Variants in JPT1 observed in about 807,000 individuals in gnomAD.
JPT1 encodes the protein Jupiter microtubule associated homolog 1.
In JPT1, 5 loss-of-function variants were observed where a neutral mutation model predicts 17.0. That is an observed-to-expected ratio of 0.29 (90% CI 0.15 to 0.62). The LOEUF is 0.62. Among genes scored for constraint, JPT1 ranks in the 20% least tolerant of loss-of-function variants. The pLI is 0.85. For missense variants in JPT1, 158 were observed against 188.1 expected (o/e 0.84, Z 0.94); for synonymous variants, 71 against 73.6 (o/e 0.96, Z 0.18).
intron 2 of JPT1, 114 bp from the exon 3 acceptor site, chr17:75,147,767 G>A (rs563332417): frequency 7.9e-5 from 60 of 755,176 alleles, no homozygotes; most frequent in Non-Finnish European, 1.3e-4. Context: ...AGGAGGCCGA[G>A]GCGGGCAGAT....
Position 75,148,677 on chromosome 17 carries a change from A to G in JPT1, c.57-6T>C, listed in dbSNP as rs2074486888. The G allele has an allele frequency of 6.2e-7, 1 of 1,613,506 alleles. No homozygotes were observed. The highest frequency in any genetic ancestry group is 1.7e-5 in the Admixed American group (1 of 59,790). The stretch of plus-strand genomic sequence containing the variant: ...CACCTGGAGGCCGCAAAACTCTGCA[A>G]ATAATGGCAAAACATCAACTTCAGA... On this transcript the variant is annotated splice_polypyrimidine_tract_variant and splice_region_variant and intron_variant, in intron 1 of 4. Coordinates refer to ENST00000409753, the MANE Select transcript of JPT1 (RefSeq NM_016185.4).
chr17:75,148,524 A>T lies in JPT1; in HGVS notation c.199+5T>A, dbSNP rs376505998. The T allele has an allele frequency of 1.2e-6, 2 of 1,614,002 alleles. No homozygotes were observed. The highest frequency in any genetic ancestry group is 2.7e-5 in the African/African-American group (2 of 74,924). ...TTGAACAGTGAGCACAGATAACAAG[A>T]GTACCTGCTGACTTGGCCCAAGAAG... On this transcript the variant is annotated splice_donor_5th_base_variant and intron_variant, in intron 2 of 4. Coordinates refer to ENST00000409753, the MANE Select transcript of JPT1 (RefSeq NM_016185.4).
In JPT1 at chr17:75,148,629, A is replaced by T. The variant is rs2074486189; in HGVS notation, c.99T>A (p.Gly33=). 6.2e-7 allele frequency: 1 copy of T among 1,613,974 alleles called. No homozygotes were observed. Among genetic ancestry groups the T allele is most frequent in the African/African-American group, 1.3e-5 (1 of 74,886 alleles). Residue 33 remains glycine, a synonymous_variant, in exon 2 of 5, where the codon GGT becomes GGA. Transcript: ENST00000409753. ...PPGGGSNFSL[G]FDEPTEQPVR... is the part of the protein sequence containing the mutation. ...CAGGTTGTTCTGTTGGTTCATCAAAACCTAATGAAAAATTGGATCCACCAC... is the reference window on the plus strand; with the variant it reads ...CAGGTTGTTCTGTTGGTTCATCAAATCCTAATGAAAAATTGGATCCACCAC...
At chr17:75,142,508 G>A (rs528965364) in intron 4 of JPT1, among the ~76,000 whole-genome samples, 4 of 148,166 alleles carry the variant, frequency 2.7e-5, no homozygotes, top group East Asian at 2.0e-4. Flanking sequence ...GCAGTGAGCC[G>A]TGATCGTGCC....
chr17:75,147,004 T>C (rs528065403), intron 3 of JPT1, among the ~76,000 whole-genome samples: 1 of 152,324 alleles, frequency 6.6e-6, no homozygotes, highest in South Asian at 2.1e-4. Flanking sequence ...TTCATTTCTC[T>C]CTCCTTTCCC....
intron 2 of JPT1, chr17:75,148,001 TATCTC>T (rs1424111468): frequency 2.0e-5 from 5 of 244,498 alleles, no homozygotes; most frequent in South Asian, 1.6e-4. Context: ...ATGAGACTCT[TATCTC>T]AAAAACAAAA....
chr17:75,150,847 CTTTTTTTTTTTT>C (rs59267123), intron 1 of JPT1, among the ~76,000 whole-genome samples: 4 of 65,954 alleles, frequency 6.1e-5, no homozygotes, highest in Non-Finnish European at 9.9e-5. Context: ...ATTTTTCTTT[CTTTTTTTTTTTT>C]TTTTTTTTTT....
In JPT1 at chr17:75,154,438, C is replaced by G; in HGVS notation, c.-41G>C. ...GGTAGGCTGGCGCCGGAGCAGAACG[C>G]TCAAAGGGTCGGACCCGAGGGGCGC... On this transcript the variant is annotated 5_prime_UTR_variant, in exon 1 of 5. Coordinates refer to ENST00000409753, the MANE Select transcript of JPT1 (RefSeq NM_016185.4). 1 of 1,539,474 alleles carries G rather than the reference C, an allele frequency of 6.5e-7. No homozygotes were observed. Among genetic ancestry groups the G allele is most frequent in the Middle Eastern group, 1.7e-4 (1 of 5,832 alleles).
intron 1 of JPT1, 183 bp downstream of exon 1, chr17:75,154,159 C>T (rs2074597746): frequency 1.0e-5 from 3 of 297,980 alleles, no homozygotes; most frequent in African/African-American, 2.2e-5. Context: ...CCGGGTGGGG[C>T]CGGCGCGCAG....
At position 75,135,977 on chromosome 17, in the gene JPT1, ACAG is replaced by A; in HGVS notation, c.*122_*124del. The A allele has an allele frequency of 6.4e-7, 1 of 1,565,922 alleles. No individual in the cohort carries two copies. On this transcript the variant is annotated 3_prime_UTR_variant, in exon 5 of 5. Coordinates refer to ENST00000409753, the MANE Select transcript of JPT1 (RefSeq NM_016185.4). ...GTTCTTCAAAAGAAAAAAAAAAAAG[ACAG>A]CAGTACATAAAGTGCTTCTTTTTAA...
intron 4 of JPT1, among the ~76,000 whole-genome samples, chr17:75,137,488 C>T (rs905728879): frequency 6.6e-6 from 1 of 151,358 alleles, no homozygotes; most frequent in African/African-American, 2.4e-5. Context: ...TCCCAAATAG[C>T]TGGGACTACA....
At position 75,135,945 on chromosome 17, in the gene JPT1, G is replaced by T; in HGVS notation, c.*157C>A. On this transcript the variant is annotated 3_prime_UTR_variant, in exon 5 of 5. Coordinates refer to ENST00000409753, the MANE Select transcript of JPT1 (RefSeq NM_016185.4). ...CAGACCCAAGAGTCAAGGACAGAGAGAAACCTGTTCTTCAAAAGAAAAAAA... is the reference window on the plus strand; with the variant it reads ...CAGACCCAAGAGTCAAGGACAGAGATAAACCTGTTCTTCAAAAGAAAAAAA... 1 of 1,518,074 alleles carries T rather than the reference G, an allele frequency of 6.6e-7. No homozygotes were observed. The highest frequency in any genetic ancestry group is 8.9e-7 in the Non-Finnish European group (1 of 1,121,216). 94.0% of individuals were successfully genotyped at this position (1,518,074 alleles called of 1,614,324 possible).
rs3744234 is a variant in JPT1, at chr17:75,146,874, T to C, written c.298-190A>G. On this transcript the variant is annotated intron_variant, in intron 3 of 4. Transcript: ENST00000409753. The stretch of plus-strand genomic sequence containing the variant: ...AATGCTATGCAAAAATTCTGCATGA[T>C]AAATTGCTCTAGTGCTAGTACCACG... The C allele has an allele frequency of 5.5e-4, 299 of 545,734 alleles. 1 individual carries two copies. In the East Asian group the frequency reaches 9.3e-3, roughly 17 times the overall value. 33.8% of individuals were successfully genotyped at this position (545,734 alleles called of 1,614,324 possible). A position where few individuals can be genotyped will look rare whatever the true frequency, so the allele number is the denominator to read the frequency against.
chr17:75,152,496 A>G (rs1232807741), intron 1 of JPT1, among the ~76,000 whole-genome samples: 1 of 152,218 alleles, frequency 6.6e-6, no homozygotes, highest in African/African-American at 2.4e-5. Flanking sequence ...ATGCTACTAC[A>G]GTCCCTAGAG....
chr17:75,154,144 G>A (rs566856889), intron 1 of JPT1, 198 bp downstream of exon 1: 4 of 278,822 alleles, frequency 1.4e-5, no homozygotes, highest in Non-Finnish European at 2.6e-5. Context: ...GAGAGCAGCA[G>A]GGACCCGGGT....
At position 75,154,432 on chromosome 17, in the gene JPT1, A is replaced by G; in HGVS notation, c.-35T>C. 6.5e-7 allele frequency: 1 copy of G among 1,544,364 alleles called. No homozygotes were observed. The highest frequency in any genetic ancestry group is 8.7e-7 in the Non-Finnish European group (1 of 1,143,966). On this transcript the variant is annotated 5_prime_UTR_variant, in exon 1 of 5. Coordinates refer to ENST00000409753, the MANE Select transcript of JPT1 (RefSeq NM_016185.4). Reference sequence around the variant, plus strand: ...GAGCGAGGTAGGCTGGCGCCGGAGCAGAACGCTCAAAGGGTCGGACCCGAG... The same window carrying G: ...GAGCGAGGTAGGCTGGCGCCGGAGCGGAACGCTCAAAGGGTCGGACCCGAG...
Position 75,154,490 on chromosome 17 carries a change from C to T in JPT1, c.-93G>A. 4.0e-6 allele frequency: 5 copies of T among 1,237,550 alleles called. No homozygotes were observed. Among genetic ancestry groups the T allele is most frequent in the Admixed American group, 4.4e-5 (2 of 45,576 alleles). 76.7% of individuals were successfully genotyped at this position (1,237,550 alleles called of 1,614,324 possible). On this transcript the variant is annotated 5_prime_UTR_variant, in exon 1 of 5. Coordinates refer to ENST00000409753, the MANE Select transcript of JPT1 (RefSeq NM_016185.4). ...GGGAAACTCCACACCCAACAGCCGA[C>T]CACCGCTGCAGGAGCCGCCGCTGCC... is the stretch of plus-strand genomic sequence containing the variant.
chr17:75,135,887 T>C lies in JPT1; in HGVS notation c.*215A>G, dbSNP rs2074183441. On this transcript the variant is annotated 3_prime_UTR_variant, in exon 5 of 5. Coordinates refer to ENST00000409753, the MANE Select transcript of JPT1 (RefSeq NM_016185.4). ...AAGTGTCACAAAGCTTTCCCTCCAATCTACTACTAGAAAACACTCATGCCA... is the reference window on the plus strand; with the variant it reads ...AAGTGTCACAAAGCTTTCCCTCCAACCTACTACTAGAAAACACTCATGCCA... 4.2e-6 allele frequency: 4 copies of C among 957,782 alleles called. No individual in the cohort carries two copies. The highest frequency in any genetic ancestry group is 6.2e-6 in the Non-Finnish European group (4 of 645,466). 59.3% of individuals were successfully genotyped at this position (957,782 alleles called of 1,614,324 possible). A position where few individuals can be genotyped will look rare whatever the true frequency, so the allele number is the denominator to read the frequency against.
intron 1 of JPT1, chr17:75,154,071 C>G: frequency 4.5e-6 from 1 of 224,536 alleles, no homozygotes; most frequent in Non-Finnish European, 8.6e-6. Context: ...GAAAACCGGC[C>G]GTGCTCCGAG....
Sources: allele counts gnomAD v4.1 joint callset (sites outside exome capture counted in the v4.1 genomes callset), GRCh38; gene constraint gnomAD v4.1.1; transcripts MANE v1.5; gene names NCBI Gene and HGNC (gene_info 2026-07-23, HGNC 2026-07-21).